PCSK1: variants seen among roughly 807,000 people sequenced by gnomAD.
The protein encoded by PCSK1 is neuroendocrine convertase 1.
A neutral mutation model predicts 90.6 loss-of-function variants in PCSK1; 56 were observed. That is an observed-to-expected ratio of 0.62 (90% CI 0.50 to 0.77). The LOEUF (loss-of-function observed/expected upper bound fraction) is 0.77. PCSK1 is among the 30% of genes least tolerant of loss of function. The probability of loss-of-function intolerance (pLI) is 0.00; values close to 1 mark genes in which losing one functional copy is unlikely to be tolerated. For synonymous variants in PCSK1, 348 were observed against 342.4 expected (o/e 1.02, Z -0.18); for missense variants, 801 against 932.6 (o/e 0.86, Z 1.84).
chr5:96,419,310 GATATAT>G (rs757569748), intron 5 of PCSK1, among the ~76,000 whole-genome samples: 1 of 142,202 alleles, frequency 7.0e-6, no homozygotes, highest in Non-Finnish European at 1.5e-5. Flanking sequence ...TATTAAGTGA[GATATAT>G]ATATATATAT....
At chr5:96,430,252 A>T (rs1321148597) in intron 1 of PCSK1, among the ~76,000 whole-genome samples, 35 of 152,198 alleles carry the variant, frequency 2.3e-4, no homozygotes, top group Admixed American at 2.3e-3. Flanking sequence ...CTTTTGAGCT[A>T]GTCTCCCTTT....
intron 1 of PCSK1, among the ~76,000 whole-genome samples, chr5:96,429,660 C>T (rs948208251): frequency 7.9e-5 from 12 of 152,214 alleles, no homozygotes; most frequent in East Asian, 3.9e-4. Flanking sequence ...TATGTATTTA[C>T]GTGTTCTCAT....
In PCSK1 at chr5:96,398,964, G is replaced by A. The variant is rs199524465; in HGVS notation, c.1503C>T (p.Ile501=). ...CAAATTGTACATGCTCCAGGGACTT[G>A]ATAGCATTTTCTTGTCCTTCACAAG... ...TRACEGQENA[I]KSLEHVQFEA... Residue 501 remains isoleucine, a synonymous_variant, in exon 11 of 14, where the codon ATC becomes ATT. Transcript: ENST00000311106. The A allele has an allele frequency of 1.9e-5, 30 of 1,611,914 alleles. No homozygotes were observed. Among genetic ancestry groups the A allele is most frequent in the Admixed American group, 5.0e-5 (3 of 59,994 alleles).
rs11317408 is a variant in PCSK1 at position 96,421,993 on chromosome 5, TAAAAAAAAAA to T, written c.544-47_544-38del. On this transcript the variant is annotated intron_variant, in intron 4 of 13. Transcript: ENST00000311106. Reference sequence around the variant, plus strand: ...ACAAAATATAACACTGTGGCAGCATTAAAAAAAAAAAAAAAAAAAAAAAAAAGCATCACTT... The same window carrying T: ...ACAAAATATAACACTGTGGCAGCATTAAAAAAAAAAAAAAAAGCATCACTT... 0.023 allele frequency: 8,091 copies of T among 352,964 alleles called. 5 individuals carry two copies. The highest frequency in any genetic ancestry group is 0.03 in the Middle Eastern group (37 of 1,216). The allele number at this position is 352,964 out of a possible 1,614,324, so 21.9% of individuals were successfully genotyped here. A position where few individuals can be genotyped will look rare whatever the true frequency, so the allele number is the denominator to read the frequency against.
intron 9 of PCSK1, among the ~76,000 whole-genome samples, chr5:96,401,509 T>C (rs73772390): frequency 0.019 from 2,841 of 152,280 alleles, 95 homozygotes; most frequent in African/African-American, 0.064. Context: ...AAGGAAATAG[T>C]AAAATCATAA....
chr5:96,432,059 A>T, intron 1 of PCSK1: 1 of 1,507,736 alleles, frequency 6.6e-7, no homozygotes, highest in South Asian at 1.2e-5. Flanking sequence ...ATAAGCTGAA[A>T]TTCCCGGGAA....
chr5:96,393,343 G>C lies in PCSK1; in HGVS notation c.1920C>G (p.Thr640=), dbSNP rs759321730. 7.4e-6 allele frequency: 12 copies of C among 1,613,938 alleles called. No individual in the cohort carries two copies. The South Asian group carries it at 1.3e-4, about 18-fold the overall frequency. Residue 640 remains threonine (T), a synonymous_variant, in exon 14 of 14, where the codon ACC becomes ACG. Coordinates refer to ENST00000311106, the MANE Select transcript of PCSK1 (RefSeq NM_000439.5). ...QPTQENPKEN[T]LVSKSPSSSS... ...TGCTGCTGGGGCTTTTGGACACCAG[G>C]GTGTTCTCCTTAGGGTTCTCTTGTG...
chr5:96,431,304 CATT>C (rs1761486636), intron 1 of PCSK1, among the ~76,000 whole-genome samples: 1 of 152,240 alleles, frequency 6.6e-6, no homozygotes, highest in African/African-American at 2.4e-5. Context: ...TCTCCGATCT[CATT>C]ATGTGCTCCT....
intron 6 of PCSK1, among the ~76,000 whole-genome samples, chr5:96,412,752 G>GTTTTTTTGT (rs1760802563): frequency 1.4e-5 from 1 of 71,832 alleles, no homozygotes; most frequent in African/African-American, 9.0e-5. Flanking sequence ...CAGCTGTGAT[G>GTTTTTTTGT]TTTTTTTTTT....
At chr5:96,395,196 G>A (rs988026178) in intron 12 of PCSK1, among the ~76,000 whole-genome samples, 171 bp from the exon 13 acceptor site, 1 of 152,124 alleles carries the variant, frequency 6.6e-6, no homozygotes, top group Non-Finnish European at 1.5e-5. Flanking sequence ...ACAATTTGTA[G>A]GTTCAACAGT....
At chr5:96,416,985 C>T (rs575206128) in intron 5 of PCSK1, among the ~76,000 whole-genome samples, 3 of 152,228 alleles carry the variant, frequency 2.0e-5, no homozygotes, top group East Asian at 3.9e-4. Flanking sequence ...TCATTTATTT[C>T]GTGATTTTAT....
chr5:96,396,495 A>T (rs1262701630), intron 12 of PCSK1, among the ~76,000 whole-genome samples: 1 of 150,102 alleles, frequency 6.7e-6, no homozygotes, highest in Non-Finnish European at 1.5e-5. Context: ...CAGGAGGCAG[A>T]GGTTGCAGTG....
intron 9 of PCSK1, 98 bp from the exon 10 acceptor site, chr5:96,400,284 A>G: frequency 1.2e-6 from 1 of 815,318 alleles, no homozygotes; most frequent in Non-Finnish European, 2.2e-6. Context: ...GGGATTATGA[A>G]GTGCCTTTTG....
intron 2 of PCSK1, among the ~76,000 whole-genome samples, chr5:96,428,342 A>G (rs1580769962): frequency 6.6e-6 from 1 of 152,190 alleles, no homozygotes; most frequent in African/African-American, 2.4e-5. Flanking sequence ...AGGTTGTCCT[A>G]GGTAACAAAA....
chr5:96,425,040 G>GAAAGAAAGAAAGAAAA (rs1035475882), intron 3 of PCSK1, among the ~76,000 whole-genome samples: 3 of 140,240 alleles, frequency 2.1e-5, no homozygotes, highest in African/African-American at 8.3e-5. Flanking sequence ...AAGAAAGAAA[G>GAAAGAAAGAAAGAAAA]AAAGAAAGAA....
At chr5:96,417,277 G>C (rs1345368014) in intron 5 of PCSK1, among the ~76,000 whole-genome samples, 1 of 152,088 alleles carries the variant, frequency 6.6e-6, no homozygotes, top group Non-Finnish European at 1.5e-5. Context: ...TAAGATTCCT[G>C]CTCCTTCATG....
In PCSK1 at chr5:96,417,753, T is replaced by G. The variant is rs1760981536; in HGVS notation, c.621-1632A>C. ...AATCTTTGAGTTAGGATTCTTTCATTTGCAACTGAAGCTGTCCTGACCACA... is the reference window on the plus strand; with the variant it reads ...AATCTTTGAGTTAGGATTCTTTCATGTGCAACTGAAGCTGTCCTGACCACA... On this transcript the variant is annotated intron_variant, in intron 5 of 13. Coordinates refer to ENST00000311106, the MANE Select transcript of PCSK1 (RefSeq NM_000439.5). 2.6e-5 allele frequency among the ~76,000 whole-genome samples: 4 copies of G among 152,338 alleles called. No individual in the cohort carries two copies. The South Asian group carries it at 8.3e-4, about 32-fold the overall frequency.
chr5:96,405,673 A>G (rs1760535423), intron 9 of PCSK1, among the ~76,000 whole-genome samples: 2 of 152,180 alleles, frequency 1.3e-5, no homozygotes, highest in African/African-American at 4.8e-5. Flanking sequence ...ACTGTCTCCA[A>G]AAGAAAAAGA....
chr5:96,418,827 G>A (rs1473378349), intron 5 of PCSK1, among the ~76,000 whole-genome samples: 1 of 152,102 alleles, frequency 6.6e-6, no homozygotes, highest in African/African-American at 2.4e-5. Flanking sequence ...TGCTCATTAT[G>A]TCATTTCCAA....
Sources: gnomAD v4.1 joint callset for allele counts (sites outside exome capture counted in the v4.1 genomes callset) on GRCh38, gnomAD v4.1.1 for gene constraint, MANE v1.5 for transcripts, NCBI Gene and HGNC (gene_info 2026-07-23, HGNC 2026-07-21) for gene names.